Variants in CNGB3 observed in about 807,000 individuals in gnomAD.
CNGB3 encodes cyclic nucleotide-gated channel beta-3.
CNGB3 carries 86 observed loss-of-function variants against 92.8 expected under a neutral mutation model. That is an observed-to-expected ratio of 0.93 (90% CI 0.78 to 1.11). CNGB3 has a LOEUF of 1.11. Ranked by LOEUF, CNGB3 falls within the 50% of genes least tolerant of loss-of-function variation. The pLI is 0.00. For missense variants in CNGB3, 1,026 were observed against 956.8 expected (o/e 1.07, Z -0.95); for synonymous variants, 333 against 332.7 (o/e 1.00, Z -0.01).
intron 15 of CNGB3, among the ~76,000 whole-genome samples, chr8:86,603,469 C>G (rs188468933): frequency 6.6e-6 from 1 of 152,112 alleles, no homozygotes; most frequent in Non-Finnish European, 1.5e-5. Context: ...CTAGGATAAA[C>G]TTTTCCTGGC....
At chr8:86,578,242 CAAGA>C (rs1481380578) in intron 17 of CNGB3, among the ~76,000 whole-genome samples, 2 of 152,228 alleles carry the variant, frequency 1.3e-5, no homozygotes, top group East Asian at 3.9e-4. Context: ...AGAGCTGAAA[CAAGA>C]AAGGAGAGTG....
intron 2 of CNGB3, among the ~76,000 whole-genome samples, chr8:86,729,241 T>C (rs1171117770): frequency 1.3e-5 from 2 of 152,192 alleles, no homozygotes; most frequent in African/African-American, 4.8e-5. Context: ...AGCTGCATCA[T>C]ATACCTCCTC....
At chr8:86,603,695 G>A (rs1235270059) in intron 15 of CNGB3, among the ~76,000 whole-genome samples, 1 of 152,150 alleles carries the variant, frequency 6.6e-6, no homozygotes, top group African/African-American at 2.4e-5. Context: ...TTTAAACTCA[G>A]GAAATTTGGT....
intron 3 of CNGB3, among the ~76,000 whole-genome samples, chr8:86,721,851 CA>C (rs1357519582): frequency 6.6e-6 from 1 of 152,088 alleles, no homozygotes; most frequent in Non-Finnish European, 1.5e-5. Context: ...ATCTTTACTG[CA>C]GTGATTCTTG....
At chr8:86,664,445 T>C (rs1480052054) in intron 6 of CNGB3, among the ~76,000 whole-genome samples, 2 of 152,226 alleles carry the variant, frequency 1.3e-5, no homozygotes, top group Non-Finnish European at 2.9e-5. Context: ...ACATGTTCTG[T>C]GCAGCCCTTG....
At chr8:86,648,048 G>T (rs977538495) in intron 7 of CNGB3, among the ~76,000 whole-genome samples, 161 bp from the exon 8 acceptor site, 2 of 151,042 alleles carry the variant, frequency 1.3e-5, no homozygotes, top group African/African-American at 4.8e-5. Flanking sequence ...TTTTTAAGGC[G>T]TATTAGCACC....
chr8:86,632,234 G>T (rs1471607985), intron 11 of CNGB3, among the ~76,000 whole-genome samples: 3 of 145,048 alleles, frequency 2.1e-5, no homozygotes, highest in East Asian at 2.0e-4. Flanking sequence ...TCTATCCTTT[G>T]TAAGTGCCAA....
At chr8:86,652,489 A>G (rs1823425326) in intron 7 of CNGB3, among the ~76,000 whole-genome samples, 1 of 152,034 alleles carries the variant, frequency 6.6e-6, no homozygotes, top group African/African-American at 2.4e-5. Context: ...CTCTTTTGTA[A>G]TAACACTTAG....
chr8:86,678,330 T>C (rs1049367069), intron 3 of CNGB3, among the ~76,000 whole-genome samples: 1 of 152,150 alleles, frequency 6.6e-6, no homozygotes, highest in Non-Finnish European at 1.5e-5. Flanking sequence ...TTTAGGCAAA[T>C]TTGGGAAAGT....
At chr8:86,628,882 G>T (rs763951363) in intron 12 of CNGB3, 37 bp downstream of exon 12, 13 of 1,609,838 alleles carry the variant, frequency 8.1e-6, no homozygotes, top group Non-Finnish European at 7.6e-6. Flanking sequence ...ATATGACAAG[G>T]TTTACAGGAA....
chr8:86,674,407 A>G (rs963952898), intron 3 of CNGB3, among the ~76,000 whole-genome samples: 3 of 152,206 alleles, frequency 2.0e-5, no homozygotes, highest in African/African-American at 7.2e-5. Context: ...TAGCTGGAGC[A>G]TTATGATGTC....
In CNGB3 at chr8:86,692,346, G is replaced by A. The variant is rs535408744; in HGVS notation, c.339-21248C>T. 4.6e-5 allele frequency among the ~76,000 whole-genome samples: 7 copies of A among 152,150 alleles called. No homozygotes were observed. The East Asian group carries it at 7.7e-4, about 17-fold the overall frequency. On this transcript the variant is annotated intron_variant, in intron 3 of 17. Transcript: ENST00000320005. ...AGTATTGAAGACCCCCACTAATATC[G>A]TGTTGCCATCTGTCTCATTTCTTAG...
chr8:86,678,405 G>A (rs901783435), intron 3 of CNGB3, among the ~76,000 whole-genome samples: 2 of 152,152 alleles, frequency 1.3e-5, no homozygotes, highest in Non-Finnish European at 2.9e-5. Flanking sequence ...ATGCTGTGAA[G>A]ATTTTGAGTT....
chr8:86,617,313 G>T (rs1822640227), intron 13 of CNGB3, among the ~76,000 whole-genome samples: 1 of 152,146 alleles, frequency 6.6e-6, no homozygotes, highest in South Asian at 2.1e-4. Context: ...CAGAACTTAA[G>T]ATAGCATCAG....
intron 3 of CNGB3, among the ~76,000 whole-genome samples, chr8:86,672,740 T>A (rs1823884690): frequency 6.6e-6 from 1 of 152,204 alleles, no homozygotes; most frequent in Non-Finnish European, 1.5e-5. Flanking sequence ...ATATTACATC[T>A]ATAAATGTTT....
chr8:86,589,313 A>G (rs1821970730), intron 15 of CNGB3, among the ~76,000 whole-genome samples: 2 of 149,934 alleles, frequency 1.3e-5, no homozygotes, highest in Non-Finnish European at 1.5e-5. Flanking sequence ...TAATTTTTTG[A>G]AGGGTTTTTT....
At chr8:86,743,452 A>G (rs1265129346) in intron 1 of CNGB3, 47 bp downstream of exon 1, 1 of 1,611,324 alleles carries the variant, frequency 6.2e-7, no homozygotes. Flanking sequence ...ATTACCAGAT[A>G]AGAAATGATG....
At chr8:86,704,444 G>A (rs1824615242) in intron 3 of CNGB3, 1 of 152,164 alleles carries the variant, frequency 6.6e-6, no homozygotes, top group South Asian at 2.1e-4. Flanking sequence ...AGAAAGAGAA[G>A]AAAAATTCAT....
chr8:86,599,004 T>A (rs1822233827), intron 15 of CNGB3, among the ~76,000 whole-genome samples: 1 of 151,944 alleles, frequency 6.6e-6, no homozygotes, highest in Non-Finnish European at 1.5e-5. Context: ...TCAGTAGGGG[T>A]TTATAGGACT....
Sources: gnomAD v4.1 joint callset for allele counts (sites outside exome capture counted in the v4.1 genomes callset) on GRCh38, gnomAD v4.1.1 for gene constraint, MANE v1.5 for transcripts, NCBI Gene and HGNC (gene_info 2026-07-23, HGNC 2026-07-21) for gene names.